The following INTS4 variants were observed in gnomAD, a reference collection of about 807,000 sequenced individuals.
The protein encoded by INTS4 is MSTP093.
A neutral mutation model predicts 119.5 loss-of-function variants in INTS4; 70 were observed. The ratio of observed to expected loss-of-function variants is 0.59; its 90% CI spans 0.48 to 0.71. The LOEUF (loss-of-function observed/expected upper bound fraction) is 0.71, where lower values mean the gene tolerates loss of function less well. Ranked by LOEUF, INTS4 falls within the 30% of genes least tolerant of loss-of-function variation. The pLI is 0.00. For synonymous variants in INTS4, 316 were observed against 419.6 expected (o/e 0.75, Z 3.02); for missense variants, 867 against 1,173.2 (o/e 0.74, Z 3.81).
chr11:77,977,720 A>G (rs1019890450), intron 4 of INTS4, among the ~76,000 whole-genome samples: 2 of 150,706 alleles, frequency 1.3e-5, no homozygotes, highest in African/African-American at 4.8e-5. Context: ...AGTTAAAAAT[A>G]TATTTAAAGC....
chr11:77,938,353 T>G (rs1221911703), intron 10 of INTS4, among the ~76,000 whole-genome samples: 1 of 152,218 alleles, frequency 6.6e-6, no homozygotes, highest in East Asian at 1.9e-4. Context: ...AAGTGCTTTA[T>G]GTATACAGAA....
At chr11:77,969,837 C>T (rs1393635135) in intron 4 of INTS4, among the ~76,000 whole-genome samples, 1 of 151,488 alleles carries the variant, frequency 6.6e-6, no homozygotes, top group South Asian at 2.1e-4. Flanking sequence ...TAAGCCCTAA[C>T]CAACCACTAA....
intron 2 of INTS4, among the ~76,000 whole-genome samples, chr11:77,982,583 G>A (rs1000248003): frequency 1.3e-5 from 2 of 152,132 alleles, no homozygotes; most frequent in African/African-American, 4.8e-5. Flanking sequence ...TAGAGAGAGG[G>A]AGGTGGTCTC....
At chr11:77,928,632 G>A in intron 10 of INTS4, 85 bp from the exon 11 acceptor site, 3 of 1,519,528 alleles carry the variant, frequency 2.0e-6, no homozygotes, top group South Asian at 2.5e-5. Context: ...GAGGCCAAGG[G>A]AGGCAGATCA....
intron 4 of INTS4, among the ~76,000 whole-genome samples, chr11:77,974,200 C>A (rs1855850475): frequency 6.8e-6 from 1 of 147,142 alleles, no homozygotes; most frequent in South Asian, 2.2e-4. Context: ...GTCCACTTAA[C>A]TAAGTTATCT....
At chr11:77,959,480 T>A (rs1443570016) in intron 6 of INTS4, among the ~76,000 whole-genome samples, 1 of 152,058 alleles carries the variant, frequency 6.6e-6, no homozygotes, top group African/African-American at 2.4e-5. Context: ...GATGCTGTCA[T>A]TACTGCTTGC....
chr11:77,938,038 G>C (rs1255181565), intron 10 of INTS4, among the ~76,000 whole-genome samples: 2 of 151,722 alleles, frequency 1.3e-5, no homozygotes, highest in African/African-American at 4.8e-5. Context: ...GTAGATCCAG[G>C]GTTTCACCAT....
At chr11:77,941,396 A>G (rs1953925525) in intron 8 of INTS4, 145 bp from the exon 9 acceptor site, 1 of 809,290 alleles carries the variant, frequency 1.2e-6, no homozygotes, top group African/African-American at 1.8e-5. Context: ...AATCAGCAGG[A>G]AAATAAAAAT....
intron 8 of INTS4, among the ~76,000 whole-genome samples, chr11:77,949,627 C>T (rs529710191): frequency 6.6e-6 from 1 of 152,024 alleles, no homozygotes; most frequent in South Asian, 2.1e-4. Flanking sequence ...AGCTCATCAT[C>T]ACTGGTCATT....
At chr11:77,887,640 T>C (rs1183747170) in intron 21 of INTS4, among the ~76,000 whole-genome samples, 1 of 152,172 alleles carries the variant, frequency 6.6e-6, no homozygotes, top group Non-Finnish European at 1.5e-5. Context: ...TTGTCCCTGT[T>C]TGCAGATGAC....
downstream of INTS4, among the ~76,000 whole-genome samples, chr11:77,877,751 T>G (rs1208806143): frequency 6.6e-6 from 1 of 150,406 alleles, no homozygotes; most frequent in Non-Finnish European, 1.5e-5. Context: ...CACTTGCAAT[T>G]TTTTTTTTTT....
chr11:77,966,913 T>C (rs1855525970), intron 4 of INTS4, among the ~76,000 whole-genome samples: 1 of 152,204 alleles, frequency 6.6e-6, no homozygotes, highest in Admixed American at 6.5e-5. Flanking sequence ...CCATGAATTT[T>C]AGGGAACTGT....
At chr11:77,976,120 G>C (rs1302397125) in intron 4 of INTS4, among the ~76,000 whole-genome samples, 1 of 137,114 alleles carries the variant, frequency 7.3e-6, no homozygotes. Context: ...TCAAAAAAGA[G>C]ATTTTTTAAA....
chr11:77,948,207 AAG>A (rs1194356604), intron 8 of INTS4, among the ~76,000 whole-genome samples: 1 of 152,244 alleles, frequency 6.6e-6, no homozygotes, highest in Non-Finnish European at 1.5e-5. Context: ...ACAAACAAGA[AAG>A]AGAATGAAAA....
rs1953274026 is a variant in INTS4 at position 77,919,014 on chromosome 11, G to T, written c.1765-36C>A. On this transcript the variant is annotated intron_variant, in intron 14 of 22. Transcript: ENST00000534064. ...TGGGATTACAGAGTCATTAAGTTTG[G>T]TGGCTCAGCTTTTGGTAACACACAC... The T allele has an allele frequency of 3.1e-6, 5 of 1,611,812 alleles. No individual in the cohort carries two copies. In the African/African-American group the frequency reaches 5.3e-5, roughly 17 times the overall value.
intron 4 of INTS4, among the ~76,000 whole-genome samples, chr11:77,975,880 C>T (rs993234546): frequency 4.4e-4 from 67 of 151,666 alleles, no homozygotes; most frequent in African/African-American, 1.6e-3. Context: ...TGCCTGAACC[C>T]GGGAGGCAGA....
At chr11:77,897,674 T>A (rs1272588048) in intron 18 of INTS4, among the ~76,000 whole-genome samples, 2 of 151,076 alleles carry the variant, frequency 1.3e-5, no homozygotes, top group Non-Finnish European at 2.9e-5. Context: ...CTAATTTTTT[T>A]TTTTTTATTT....
intron 21 of INTS4, among the ~76,000 whole-genome samples, chr11:77,885,235 GC>G (rs941841692): frequency 1.3e-5 from 2 of 151,936 alleles, no homozygotes; most frequent in Non-Finnish European, 2.9e-5. Flanking sequence ...CCACCGTCAT[GC>G]CCGGCTAATT....
chr11:77,919,686 AT>A (rs907935454), intron 14 of INTS4, among the ~76,000 whole-genome samples: 1 of 151,948 alleles, frequency 6.6e-6, no homozygotes, highest in Non-Finnish European at 1.5e-5. Flanking sequence ...CATGAGAATA[AT>A]TTTTTTTTAT....
Sources: gnomAD v4.1 joint callset for allele counts (sites outside exome capture counted in the v4.1 genomes callset) on GRCh38, gnomAD v4.1.1 for gene constraint, MANE v1.5 for transcripts, NCBI Gene and HGNC (gene_info 2026-07-23, HGNC 2026-07-21) for gene names.